PTGER3: variants seen among roughly 807,000 people sequenced by gnomAD.
The protein encoded by PTGER3 is prostaglandin E receptor 3.
In PTGER3, 22 loss-of-function variants were observed where a neutral mutation model predicts 34.7. The observed-to-expected ratio is 0.63, with a 90% CI of 0.45 to 0.91. The LOEUF (loss-of-function observed/expected upper bound fraction) is 0.91, where lower values mean the gene tolerates loss of function less well. PTGER3 is among the 40% of genes least tolerant of loss of function. PTGER3 has a pLI of 0.00. For missense variants in PTGER3, 468 were observed against 519.4 expected, an observed-to-expected ratio of 0.90 and a Z score of 0.96; for synonymous variants, 241 against 230.1, an observed-to-expected ratio of 1.05 and a Z score of -0.43.
chr1:71,027,922 G>A (rs751126113), intron 1 of PTGER3, among the ~76,000 whole-genome samples: 15 of 152,106 alleles, frequency 9.9e-5, no homozygotes, highest in Admixed American at 2.6e-4. Flanking sequence ...CACATTTCAA[G>A]AGGCAAATAA....
chr1:70,952,802 C>T, exon 4 of PTGER3: 1 of 1,378,690 alleles, frequency 7.3e-7, no homozygotes, highest in Admixed American at 2.7e-5. Flanking sequence ...CCGAGTCAAT[C>T]AACACATGGA....
intron 1 of PTGER3, among the ~76,000 whole-genome samples, chr1:71,043,886 G>A (rs1014735794): frequency 6.7e-6 from 1 of 150,360 alleles, no homozygotes; most frequent in Admixed American, 6.6e-5. Flanking sequence ...GCGTGATCTC[G>A]GCTCACAGCA....
At chr1:71,019,605 A>G (rs1186328720) in intron 1 of PTGER3, among the ~76,000 whole-genome samples, 2 of 152,314 alleles carry the variant, frequency 1.3e-5, no homozygotes, top group African/African-American at 4.8e-5. Flanking sequence ...CCCTTTCCCC[A>G]GTGATAACGT....
At chr1:70,994,132 T>C (rs1655713323) in intron 2 of PTGER3, among the ~76,000 whole-genome samples, 1 of 152,138 alleles carries the variant, frequency 6.6e-6, no homozygotes. Flanking sequence ...GCCGCTCACC[T>C]CTCAGCCTGG....
In PTGER3 at chr1:71,012,399, A is replaced by T; in HGVS notation, c.983T>A (p.Phe328Tyr). The change falls in exon 2 of 4, where the codon TTC becomes TAC. Residue 328 changes from phenylalanine to tyrosine, a missense_variant. By Grantham distance (22) the Phe-to-Tyr change is conservative. Around this residue, in one of 5 missense-constraint regions of PTGER3, gnomAD observed 204 missense variants for 230.8 expected, o/e 0.88. Transcript: ENST00000306666. ...HTEKQKECNF[F>Y]LIAVRLASLN... ...TGAAGCCAGGCGAACAGCTATTAAG[A>T]AGAAGTTGCATTCTTTCTGCTTCTC... is the stretch of plus-strand genomic sequence containing the variant. 6.2e-7 allele frequency: 1 copy of T among 1,614,078 alleles called. No individual in the cohort carries two copies. Among genetic ancestry groups the T allele is most frequent in the Non-Finnish European group, 8.5e-7 (1 of 1,180,028 alleles).
At chr1:70,998,441 T>G (rs1656174290) in intron 2 of PTGER3, 1 of 152,190 alleles carries the variant, frequency 6.6e-6, no homozygotes, top group Non-Finnish European at 1.5e-5. Flanking sequence ...AAATCTGAAA[T>G]CTGCAAGTGA....
intron 1 of PTGER3, among the ~76,000 whole-genome samples, chr1:71,015,294 C>G (rs577404323): frequency 6.6e-6 from 1 of 152,200 alleles, no homozygotes; most frequent in South Asian, 2.1e-4. Context: ...CCCTCAAAAA[C>G]TTGGACGTAT....
intron 2 of PTGER3, among the ~76,000 whole-genome samples, chr1:70,993,076 A>G (rs1332361958): frequency 6.6e-6 from 1 of 152,200 alleles, no homozygotes; most frequent in East Asian, 1.9e-4. Flanking sequence ...TCTAACAAGT[A>G]TATCTAGATA....
At chr1:70,929,616 A>G (rs978573523) in intron 4 of PTGER3, among the ~76,000 whole-genome samples, 1 of 152,190 alleles carries the variant, frequency 6.6e-6, no homozygotes, top group Non-Finnish European at 1.5e-5. Context: ...AAAACAGGTG[A>G]AAAGATAATC....
intron 4 of PTGER3, chr1:70,886,288 A>G (rs1296392588): frequency 2.2e-6 from 1 of 451,994 alleles, no homozygotes; most frequent in South Asian, 1.6e-5. Flanking sequence ...CAGACACCGA[A>G]TCTGCTGGCA....
At chr1:71,046,305 A>AAC (rs1553181263) in intron 1 of PTGER3, among the ~76,000 whole-genome samples, 1 of 148,994 alleles carries the variant, frequency 6.7e-6, no homozygotes, top group African/African-American at 2.4e-5. Context: ...AAAAAAAAAA[A>AAC]ACCCCACAAT....
chr1:70,963,785 T>C (rs1249663828), intron 2 of PTGER3, among the ~76,000 whole-genome samples: 3 of 152,196 alleles, frequency 2.0e-5, no homozygotes, highest in Non-Finnish European at 4.4e-5. Flanking sequence ...GTGATTCACA[T>C]TGGGCTCCTG....
At chr1:70,961,561 T>C (rs1365713388) in intron 2 of PTGER3, among the ~76,000 whole-genome samples, 1 of 152,216 alleles carries the variant, frequency 6.6e-6, no homozygotes, top group African/African-American at 2.4e-5. Flanking sequence ...TAGCCTTCAC[T>C]GGTAATTCTC....
At chr1:70,891,613 G>A (rs1646619628) in intron 4 of PTGER3, among the ~76,000 whole-genome samples, 1 of 152,198 alleles carries the variant, frequency 6.6e-6, no homozygotes, top group Non-Finnish European at 1.5e-5. Flanking sequence ...AATGGTCAGT[G>A]TCATATAATA....
intron 2 of PTGER3, among the ~76,000 whole-genome samples, chr1:70,959,170 A>C (rs772925810): frequency 1.3e-5 from 2 of 152,162 alleles, no homozygotes; most frequent in African/African-American, 2.4e-5. Context: ...CCGTGGTTCC[A>C]CATAAATTTT....
chr1:70,972,308 C>T (rs763583104), intron 3 of PTGER3, among the ~76,000 whole-genome samples: 2 of 152,010 alleles, frequency 1.3e-5, no homozygotes, highest in East Asian at 1.9e-4. Flanking sequence ...GTTGACAGAG[C>T]GAGACTCCAT....
At chr1:71,016,680 G>GT (rs1412845285) in intron 1 of PTGER3, among the ~76,000 whole-genome samples, 2 of 151,876 alleles carry the variant, frequency 1.3e-5, no homozygotes, top group Non-Finnish European at 2.9e-5. Context: ...GTGTGTGCCT[G>GT]TAATCCTAGC....
intron 4 of PTGER3, among the ~76,000 whole-genome samples, chr1:70,867,541 T>G (rs1646068643): frequency 6.6e-6 from 1 of 151,986 alleles, no homozygotes; most frequent in Non-Finnish European, 1.5e-5. Flanking sequence ...GCCAACATGG[T>G]GAAGCCCCAT....
intron 4 of PTGER3, among the ~76,000 whole-genome samples, chr1:70,931,346 G>A (rs574066161): frequency 1.6e-4 from 25 of 152,302 alleles, no homozygotes; most frequent in African/African-American, 6.0e-4. Flanking sequence ...CAAGCTGTCA[G>A]TGGCTTTACC....
Sources: gnomAD v4.1 joint callset for allele counts (sites outside exome capture counted in the v4.1 genomes callset) on GRCh38, gnomAD v4.1.1 for gene constraint, gnomAD v4.1.1 regional missense constraint, MANE v1.5 for transcripts, NCBI Gene and HGNC (gene_info 2026-07-23, HGNC 2026-07-21) for gene names.